The following CAMKMT variants were observed in gnomAD, a reference collection of about 807,000 sequenced individuals.
The protein encoded by CAMKMT is calmodulin-lysine N-methyltransferase.
CAMKMT carries 53 observed loss-of-function variants against 48.0 expected under a neutral mutation model. The observed-to-expected ratio is 1.10, with a 90% CI of 0.89 to 1.39. The LOEUF (loss-of-function observed/expected upper bound fraction) is 1.39. CAMKMT is among the 40% of genes most tolerant of loss of function. The pLI is 0.00. For missense variants in CAMKMT, 428 were observed against 402.7 expected (o/e 1.06, Z -0.54); for synonymous variants, 165 against 152.3 (o/e 1.08, Z -0.61).
chr2:44,650,276 C>T (rs1382473064), intron 3 of CAMKMT, among the ~76,000 whole-genome samples: 1 of 152,144 alleles, frequency 6.6e-6, no homozygotes, highest in Non-Finnish European at 1.5e-5. Flanking sequence ...CCACCTTTGT[C>T]GTCACCTGGT....
chr2:44,393,399 C>G (rs567615352), intron 3 of CAMKMT: 1 of 152,280 alleles, frequency 6.6e-6, no homozygotes, highest in South Asian at 2.1e-4. Context: ...GAATCTCGTA[C>G]AGAATGAATC....
chr2:44,593,733 C>T, intron 3 of CAMKMT, among the ~76,000 whole-genome samples: 1 of 149,638 alleles, frequency 6.7e-6, no homozygotes, highest in Non-Finnish European at 1.5e-5. Flanking sequence ...GCAGAAGTCT[C>T]CCTGGGGAAT....
At chr2:44,445,671 T>G (rs1372310486) in intron 3 of CAMKMT, among the ~76,000 whole-genome samples, 1,757 of 115,858 alleles carry the variant, frequency 0.015, 248 homozygotes, top group South Asian at 0.085. Context: ...TTTTTTTTTT[T>G]TTTTTTTTTT....
rs182167565 is a variant in CAMKMT at position 44,387,524 on chromosome 2, G to A, written c.312-2717G>A. On this transcript the variant is annotated intron_variant, in intron 2 of 10. Transcript: ENST00000378494. ...GCTATTTACATTCATTGTTAGTATC[G>A]AAATGTGAGGTACCCTTGCATTAAT... Among the ~76,000 whole-genome samples, 197 of 152,170 alleles carry A rather than the reference G, an allele frequency of 1.3e-3. 1 individual carries two copies. The highest frequency in any genetic ancestry group is 4.6e-3 in the African/African-American group (191 of 41,542).
intron 3 of CAMKMT, among the ~76,000 whole-genome samples, chr2:44,616,953 A>C (rs1415474036): frequency 6.6e-6 from 1 of 152,246 alleles, no homozygotes. Context: ...AGATCAGGAA[A>C]AAAAGCTGCA....
At chr2:44,429,468 C>T (rs1262726930) in intron 3 of CAMKMT, among the ~76,000 whole-genome samples, 1 of 152,118 alleles carries the variant, frequency 6.6e-6, no homozygotes, top group African/African-American at 2.4e-5. Context: ...ATCATACTTA[C>T]TTCAACATCA....
intron 3 of CAMKMT, among the ~76,000 whole-genome samples, chr2:44,465,308 A>G (rs1002362568): frequency 3.9e-5 from 6 of 152,146 alleles, no homozygotes; most frequent in South Asian, 2.1e-4. Context: ...AAAAAAATCA[A>G]TGAAACAGGC....
chr2:44,735,443 CT>C (rs1415446329), intron 7 of CAMKMT, among the ~76,000 whole-genome samples: 1 of 152,058 alleles, frequency 6.6e-6, no homozygotes, highest in Non-Finnish European at 1.5e-5. Flanking sequence ...GTTCTGCTTG[CT>C]TTTGGATTAA....
chr2:44,529,539 C>G (rs975807146), intron 3 of CAMKMT, among the ~76,000 whole-genome samples: 1 of 152,074 alleles, frequency 6.6e-6, no homozygotes, highest in African/African-American at 2.4e-5. Context: ...ACATGTTCAC[C>G]TTTATACAAG....
At chr2:44,602,206 A>G (rs1288596161) in intron 3 of CAMKMT, among the ~76,000 whole-genome samples, 1 of 151,906 alleles carries the variant, frequency 6.6e-6, no homozygotes, top group African/African-American at 2.4e-5. Context: ...GGGTTTCACC[A>G]TGTTGCCCAG....
chr2:44,427,312 A>C (rs1684338685), intron 3 of CAMKMT, among the ~76,000 whole-genome samples: 1 of 152,244 alleles, frequency 6.6e-6, no homozygotes, highest in Non-Finnish European at 1.5e-5. Flanking sequence ...AATTGGTCCT[A>C]ATTAGACAAA....
chr2:44,652,107 T>C (rs1674103184), intron 3 of CAMKMT, among the ~76,000 whole-genome samples: 2 of 152,342 alleles, frequency 1.3e-5, no homozygotes, highest in Middle Eastern at 3.4e-3. Context: ...GCTGAGATTT[T>C]AAAGCTATGT....
chr2:44,624,195 T>C (rs772214619), intron 3 of CAMKMT, among the ~76,000 whole-genome samples: 3 of 152,220 alleles, frequency 2.0e-5, no homozygotes, highest in Non-Finnish European at 2.9e-5. Context: ...AGCTGGAAGC[T>C]ATTGTGAATC....
chr2:44,447,887 G>T (rs1191768954), intron 3 of CAMKMT, among the ~76,000 whole-genome samples: 2 of 152,152 alleles, frequency 1.3e-5, no homozygotes, highest in East Asian at 3.8e-4. Context: ...ATTGGTCCCT[G>T]TCTGGCCACT....
intron 3 of CAMKMT, among the ~76,000 whole-genome samples, chr2:44,462,024 A>G (rs765808329): frequency 6.6e-6 from 1 of 152,150 alleles, no homozygotes; most frequent in Non-Finnish European, 1.5e-5. Context: ...TCTACTTCCA[A>G]TTATGTTTCC....
intron 3 of CAMKMT, among the ~76,000 whole-genome samples, chr2:44,534,463 G>T (rs958969972): frequency 1.3e-5 from 2 of 152,104 alleles, no homozygotes; most frequent in African/African-American, 2.4e-5. Flanking sequence ...TGAACATTCT[G>T]CAGGATAGAA....
intron 3 of CAMKMT, among the ~76,000 whole-genome samples, chr2:44,624,161 T>A (rs1413866768): frequency 2.0e-5 from 3 of 152,158 alleles, no homozygotes; most frequent in African/African-American, 7.2e-5. Context: ...ATGAATACTG[T>A]TGATAAAAAG....
At chr2:44,725,143 CGTGT>C (rs4039394) in intron 7 of CAMKMT, among the ~76,000 whole-genome samples, 407 of 140,626 alleles carry the variant, frequency 2.9e-3, no homozygotes, top group Non-Finnish European at 4.4e-3. Context: ...GCTTTCTGGA[CGTGT>C]GTGTGTGTGT....
At chr2:44,709,022 C>T (rs987630072) in intron 6 of CAMKMT, among the ~76,000 whole-genome samples, 4 of 152,096 alleles carry the variant, frequency 2.6e-5, no homozygotes, top group African/African-American at 9.7e-5. Context: ...TATTATTGAG[C>T]TAAACTACAG....
Sources: gnomAD v4.1 joint callset for allele counts (sites outside exome capture counted in the v4.1 genomes callset) on GRCh38, gnomAD v4.1.1 for gene constraint, MANE v1.5 for transcripts, NCBI Gene and HGNC (gene_info 2026-07-23, HGNC 2026-07-21) for gene names.